The following INPP4B variants were observed in gnomAD, a reference collection of about 807,000 sequenced individuals.
INPP4B encodes the protein inositol polyphosphate 4-phosphatase type II.
Under a neutral mutation model 122.5 loss-of-function variants are expected in INPP4B, and 55 were observed. The observed-to-expected ratio is 0.45, with a 90% CI of 0.36 to 0.56. The LOEUF (loss-of-function observed/expected upper bound fraction) is 0.56, where lower values mean the gene tolerates loss of function less well. Among genes scored for constraint, INPP4B ranks in the 20% least tolerant of loss-of-function variants. The pLI, the probability that INPP4B is intolerant of heterozygous loss-of-function variation, is 0.00. For synonymous variants in INPP4B, 403 were observed against 388.7 expected, an observed-to-expected ratio of 1.04 and a Z score of -0.43; for missense variants, 1,000 against 1,097.7, an observed-to-expected ratio of 0.91 and a Z score of 1.26.
At chr4:142,717,265 T>C (rs1023241112) in intron 2 of INPP4B, among the ~76,000 whole-genome samples, 1 of 152,256 alleles carries the variant, frequency 6.6e-6, no homozygotes, top group South Asian at 2.1e-4. Context: ...CTTGATGGAA[T>C]TCATAGTGGC....
chr4:142,332,679 C>T (rs192374893), intron 7 of INPP4B, among the ~76,000 whole-genome samples: 1 of 152,046 alleles, frequency 6.6e-6, no homozygotes, highest in East Asian at 1.9e-4. Flanking sequence ...CATAACAGAT[C>T]TGTGCCTAGA....
chr4:142,358,452 T>C (rs1784327659), intron 7 of INPP4B, among the ~76,000 whole-genome samples: 2 of 151,810 alleles, frequency 1.3e-5, no homozygotes, highest in South Asian at 2.1e-4. Context: ...TCTCAATAGA[T>C]TGCAAACTTC....
At chr4:142,029,535 G>C in intron 25 of INPP4B, 9 of 985,538 alleles carry the variant, frequency 9.1e-6, no homozygotes, top group African/African-American at 1.7e-5. Flanking sequence ...AAAAAGAATA[G>C]AAAAGTCCTC....
intron 11 of INPP4B, among the ~76,000 whole-genome samples, chr4:142,250,526 G>C (rs1291460797): frequency 6.6e-6 from 1 of 152,194 alleles, no homozygotes; most frequent in African/African-American, 2.4e-5. Flanking sequence ...CAAAGTTGCT[G>C]AGTTTAGATA....
chr4:142,297,358 C>A (rs1759206329), intron 9 of INPP4B, among the ~76,000 whole-genome samples: 1 of 152,192 alleles, frequency 6.6e-6, no homozygotes, highest in Non-Finnish European at 1.5e-5. Flanking sequence ...GACCAAGTAA[C>A]ATAGTTTGGA....
intron 1 of INPP4B, among the ~76,000 whole-genome samples, chr4:142,812,773 A>G (rs1414066682): frequency 6.6e-6 from 1 of 152,052 alleles, no homozygotes; most frequent in Non-Finnish European, 1.5e-5. Context: ...GAATCTGCAG[A>G]CTCTAGGATG....
At chr4:142,637,910 T>A (rs1432938554) in intron 2 of INPP4B, among the ~76,000 whole-genome samples, 1 of 152,228 alleles carries the variant, frequency 6.6e-6, no homozygotes, top group Non-Finnish European at 1.5e-5. Flanking sequence ...TGTAGTGGTA[T>A]CTCAGTGTTG....
intron 12 of INPP4B, among the ~76,000 whole-genome samples, chr4:142,211,372 C>A (rs1844813508): frequency 6.6e-6 from 1 of 152,056 alleles, no homozygotes. Context: ...AATCAGGAAG[C>A]CTAGGGCTAT....
intron 21 of INPP4B, among the ~76,000 whole-genome samples, chr4:142,120,141 A>G (rs1475694340): frequency 6.6e-6 from 1 of 152,038 alleles, no homozygotes; most frequent in Non-Finnish European, 1.5e-5. Flanking sequence ...TTTGTTTAAA[A>G]TCAATTGACT....
chr4:142,195,324 A>G (rs1837692337), intron 14 of INPP4B, among the ~76,000 whole-genome samples: 1 of 152,218 alleles, frequency 6.6e-6, no homozygotes, highest in South Asian at 2.1e-4. Context: ...ATAAAGTTTT[A>G]GTTATGCAAA....
chr4:142,761,883 C>A (rs1004582094), intron 1 of INPP4B, among the ~76,000 whole-genome samples: 17 of 152,084 alleles, frequency 1.1e-4, no homozygotes, highest in Admixed American at 5.9e-4. Context: ...ATTCCTAAAA[C>A]CTCTCAAAAT....
chr4:142,621,218 G>T (rs1744848001), intron 2 of INPP4B, among the ~76,000 whole-genome samples: 1 of 151,846 alleles, frequency 6.6e-6, no homozygotes, highest in South Asian at 2.1e-4. Context: ...AACTAAGAAT[G>T]GAGTGTAAAT....
At chr4:142,746,184 T>C (rs1008797881) in intron 1 of INPP4B, among the ~76,000 whole-genome samples, 1 of 151,718 alleles carries the variant, frequency 6.6e-6, no homozygotes, top group East Asian at 1.9e-4. Flanking sequence ...TGATAGGACA[T>C]ACACTAACCA....
In INPP4B at chr4:142,042,522, GTATGTATGTA is replaced by G. The variant is rs1560914456; in HGVS notation, c.2643-13618_2643-13609del. 5.2e-3 allele frequency among the ~76,000 whole-genome samples: 191 copies of G among 36,948 alleles called. 2 individuals carry two copies. In the South Asian group the frequency reaches 0.054, roughly 10 times the overall value. 24.2% of individuals were successfully genotyped at this position (36,948 alleles called of 152,430 possible). ...ACTGCCAATTTATGTGTGTGTGTAT[GTATGTATGTA>G]TGTATGTATGTATGTATGTATGTAT... On this transcript the variant is annotated intron_variant, in intron 25 of 25. Coordinates refer to ENST00000262992, the MANE Select transcript of INPP4B (RefSeq NM_001101669.3).
intron 7 of INPP4B, among the ~76,000 whole-genome samples, chr4:142,388,455 G>C (rs907410203): frequency 6.6e-6 from 1 of 151,702 alleles, no homozygotes; most frequent in African/African-American, 2.4e-5. Flanking sequence ...ATGCACACAT[G>C]AGAGGCCCTA....
At chr4:142,190,106 A>T (rs1172314161) in intron 15 of INPP4B, among the ~76,000 whole-genome samples, 1 of 152,208 alleles carries the variant, frequency 6.6e-6, no homozygotes, top group Non-Finnish European at 1.5e-5. Context: ...AGAAAAAAAT[A>T]AACAAAGGTG....
chr4:142,653,106 A>G (rs547054068), intron 2 of INPP4B, among the ~76,000 whole-genome samples: 2 of 152,218 alleles, frequency 1.3e-5, no homozygotes, highest in African/African-American at 2.4e-5. Context: ...CAAACCTGAC[A>G]AAAACAGGAA....
intron 2 of INPP4B, among the ~76,000 whole-genome samples, chr4:142,464,011 AGGGAG>A (rs1272871811): frequency 2.0e-5 from 3 of 152,180 alleles, no homozygotes; most frequent in Non-Finnish European, 4.4e-5. Flanking sequence ...CCACCCTATA[AGGGAG>A]GTACCATTAT....
intron 3 of INPP4B, among the ~76,000 whole-genome samples, chr4:142,449,226 C>T (rs1328868690): frequency 1.3e-5 from 2 of 152,088 alleles, no homozygotes; most frequent in East Asian, 1.9e-4. Context: ...CTCTTTACCG[C>T]GAGGAAGCAA....
Sources: allele counts gnomAD v4.1 joint callset (sites outside exome capture counted in the v4.1 genomes callset), GRCh38; gene constraint gnomAD v4.1.1; transcripts MANE v1.5; gene names NCBI Gene and HGNC (gene_info 2026-07-23, HGNC 2026-07-21).